The following AFF2 variants were observed in gnomAD, a reference collection of about 807,000 sequenced individuals.
AFF2 encodes ALF transcription elongation factor 2, also known as AF4/FMR2 family member 2.
A neutral mutation model predicts 76.9 loss-of-function variants in AFF2; 14 were observed. The observed-to-expected ratio is 0.18, with a 90% CI of 0.12 to 0.28. The LOEUF (loss-of-function observed/expected upper bound fraction) is 0.28. Ranked by LOEUF, AFF2 falls within the 10% of genes least tolerant of loss-of-function variation. AFF2 has a pLI of 1.00. For missense variants in AFF2, 868 were observed against 1,001.1 expected (o/e 0.87, Z 1.79); for synonymous variants, 398 against 366.7 (o/e 1.09, Z -0.98).
intron 3 of AFF2, among the ~76,000 whole-genome samples, chrX:148,766,535 C>T (rs782665575): frequency 2.4e-4 from 25 of 104,971 alleles, no homozygotes; most frequent in African/African-American, 8.7e-4. Flanking sequence ...GTCCTTCGCC[C>T]ACTTTTTGAT....
intron 3 of AFF2, among the ~76,000 whole-genome samples, chrX:148,781,309 C>T (rs1382308011): frequency 8.9e-6 from 1 of 112,472 alleles, no homozygotes; most frequent in Non-Finnish European, 1.9e-5. Context: ...TTTAAGTCTG[C>T]TGAAGCTGCG....
At chrX:148,676,232 G>A (rs6540396) in intron 3 of AFF2, among the ~76,000 whole-genome samples, 24,055 of 107,412 alleles carry the variant, frequency 0.22, 2,413 homozygotes, top group Middle Eastern at 0.38. Context: ...GCTTATTTTC[G>A]TATTTTTAGT....
intron 9 of AFF2, chrX:148,904,523 C>G (rs1267100276): frequency 3.4e-6 from 1 of 292,220 alleles, no homozygotes; most frequent in East Asian, 6.7e-5. Flanking sequence ...CTGCCAAATA[C>G]GATTATAATC....
chrX:148,715,488 G>T (rs1004213029), intron 3 of AFF2, among the ~76,000 whole-genome samples: 1 of 110,955 alleles, frequency 9.0e-6, no homozygotes, highest in Non-Finnish European at 1.9e-5. Context: ...TCCAAGCATA[G>T]CTCTCTCCTG....
At chrX:148,610,129 GA>G (rs782715552) in intron 1 of AFF2, among the ~76,000 whole-genome samples, 1 of 111,903 alleles carries the variant, frequency 8.9e-6, no homozygotes, top group South Asian at 3.8e-4. Flanking sequence ...TGAAGAGAGA[GA>G]GGGGGGTGGA....
chrX:148,803,156 G>C (rs1557271079), intron 3 of AFF2, among the ~76,000 whole-genome samples: 1 of 111,369 alleles, frequency 9.0e-6, no homozygotes, highest in Admixed American at 9.6e-5. Flanking sequence ...CAAAAGGAAA[G>C]GACCAGGGCC....
chrX:148,581,361 T>C (rs200078446), intron 1 of AFF2, among the ~76,000 whole-genome samples: 233 of 3,712 alleles, frequency 0.063, 13 homozygotes, highest in African/African-American at 0.14. Flanking sequence ...CACACATATA[T>C]ACGTATACGT....
intron 16 of AFF2, among the ~76,000 whole-genome samples, chrX:148,976,678 G>C (rs1337163641): frequency 2.7e-5 from 3 of 112,008 alleles, no homozygotes; most frequent in Non-Finnish European, 3.8e-5. Context: ...TACAGAGAGA[G>C]AGCCCCATTT....
At chrX:148,518,436 A>G (rs1239210244) in intron 1 of AFF2, among the ~76,000 whole-genome samples, 1 of 112,649 alleles carries the variant, frequency 8.9e-6, no homozygotes, top group East Asian at 2.8e-4. Flanking sequence ...ACCATGGGTC[A>G]TTTACTGTCT....
chrX:148,523,573 T>C (rs1220379502), intron 1 of AFF2, among the ~76,000 whole-genome samples: 1 of 112,295 alleles, frequency 8.9e-6, no homozygotes, highest in Non-Finnish European at 1.9e-5. Flanking sequence ...TAGATAGAGA[T>C]GTTAGCAACC....
intron 7 of AFF2, among the ~76,000 whole-genome samples, chrX:148,857,116 A>G (rs2070794764): frequency 8.9e-6 from 1 of 112,030 alleles, no homozygotes; most frequent in Non-Finnish European, 1.9e-5. Context: ...GAATCTCAGA[A>G]GACACACTAA....
chrX:148,506,535 T>C (rs1221168193), intron 1 of AFF2, among the ~76,000 whole-genome samples: 1 of 110,861 alleles, frequency 9.0e-6, no homozygotes, highest in Non-Finnish European at 1.9e-5. Flanking sequence ...TCTCTTAGCA[T>C]GTCATTTATG....
chrX:148,673,366 A>G (rs2054446387), intron 3 of AFF2, among the ~76,000 whole-genome samples: 1 of 111,829 alleles, frequency 8.9e-6, no homozygotes, highest in Non-Finnish European at 1.9e-5. Context: ...TCTAGAGAGA[A>G]TATTTCTTTG....
At chrX:148,935,297 A>C (rs2071760993) in intron 9 of AFF2, among the ~76,000 whole-genome samples, 1 of 110,511 alleles carries the variant, frequency 9.0e-6, no homozygotes. Context: ...AGAGAGGAAC[A>C]TAACATATTT....
At chrX:148,597,609 T>C (rs1193719848) in intron 1 of AFF2, among the ~76,000 whole-genome samples, 1 of 112,241 alleles carries the variant, frequency 8.9e-6, no homozygotes, top group African/African-American at 3.2e-5. Context: ...ATCTTAGAAC[T>C]GCAACTCAGG....
chrX:148,840,906 CA>C (rs1390634678), intron 5 of AFF2, among the ~76,000 whole-genome samples: 1 of 111,199 alleles, frequency 9.0e-6, no homozygotes, highest in Non-Finnish European at 1.9e-5. Flanking sequence ...TACTATGTAC[CA>C]AAAAATTAAA....
At chrX:148,760,250 A>G (rs1400007232) in intron 3 of AFF2, among the ~76,000 whole-genome samples, 1 of 111,477 alleles carries the variant, frequency 9.0e-6, no homozygotes, top group Non-Finnish European at 1.9e-5. Flanking sequence ...ACCCACCCAA[A>G]TCAGGATTTA....
intron 3 of AFF2, among the ~76,000 whole-genome samples, chrX:148,742,300 C>T (rs1360607118): frequency 8.9e-6 from 1 of 112,204 alleles, no homozygotes; most frequent in African/African-American, 3.2e-5. Context: ...GTTTACTGAA[C>T]ATATTTCTGC....
chrX:148,571,249 G>A (rs1241796966), intron 1 of AFF2, among the ~76,000 whole-genome samples: 5 of 111,611 alleles, frequency 4.5e-5, no homozygotes, highest in Non-Finnish European at 7.5e-5. Context: ...CCATTAGGCC[G>A]CTTGACTTGA....
Sources: allele counts gnomAD v4.1 joint callset (sites outside exome capture counted in the v4.1 genomes callset), GRCh38; gene constraint gnomAD v4.1.1; transcripts MANE v1.5; gene names NCBI Gene and HGNC (gene_info 2026-07-23, HGNC 2026-07-21).